FAT3: variants seen among roughly 807,000 people sequenced by gnomAD.
The protein encoded by FAT3 is protocadherin Fat 3.
Under a neutral mutation model 310.2 loss-of-function variants are expected in FAT3, and 95 were observed. The observed-to-expected ratio is 0.31, with a 90% CI of 0.26 to 0.36. The LOEUF (loss-of-function observed/expected upper bound fraction) is 0.36, where lower values mean the gene tolerates loss of function less well. Among genes scored for constraint, FAT3 ranks in the 10% least tolerant of loss-of-function variants. FAT3 has a pLI of 1.00. For missense variants in FAT3, 5,408 were observed against 5,715.6 expected (o/e 0.95, Z 1.74); for synonymous variants, 2,314 against 2,192.9 (o/e 1.06, Z -1.54).
Position 92,353,915 on chromosome 11 carries a change from A to G in FAT3, c.1803A>G (p.Ser601=), listed in dbSNP as rs774844648. The G allele has an allele frequency of 1.9e-6, 3 of 1,612,246 alleles. No individual in the cohort carries two copies. The highest frequency in any genetic ancestry group is 2.2e-5 in the South Asian group (2 of 91,062). Residue 601 remains serine (S), a synonymous_variant, in exon 2 of 28, where the codon TCA becomes TCG. Coordinates refer to ENST00000525166, the MANE Select transcript of FAT3 (RefSeq NM_001367949.2). ...FPVGGHITAV[S]AIDIDELELV... is the part of the protein sequence containing the mutation. ...TTGGTGGTCACATCACAGCAGTCTCAGCGATCGATATCGATGAACTTGAAC... is the reference window on the plus strand; with the variant it reads ...TTGGTGGTCACATCACAGCAGTCTCGGCGATCGATATCGATGAACTTGAAC...
Position 92,761,979 on chromosome 11 carries a change from G to A in FAT3, c.3793G>A (p.Glu1265Lys), listed in dbSNP as rs2136084581. ...PEKVYQIKLP[E>K]RDRKKRGEPI... ...GAAGGTCTACCAGATCAAGCTGCCA[G>A]AACGTGACCGAAAGAAGAGAGGAGA... The change falls in exon 5 of 28, where the codon GAA becomes AAA. Residue 1265 changes from glutamate to lysine, a missense_variant. Physicochemically the swap from Glu to Lys is moderately conservative, Grantham distance 56 (BLOSUM62 1). Transcript: ENST00000525166. The A allele has an allele frequency of 1.2e-6, 2 of 1,613,974 alleles. No homozygotes were observed. Among genetic ancestry groups the A allele is most frequent in the Non-Finnish European group, 1.7e-6 (2 of 1,179,886 alleles).
intron 1 of FAT3, among the ~76,000 whole-genome samples, chr11:92,316,040 A>G (rs1345930170): frequency 6.6e-6 from 1 of 152,092 alleles, no homozygotes; most frequent in African/African-American, 2.4e-5. Flanking sequence ...GAAATCATTA[A>G]AAGATTTCCT....
intron 3 of FAT3, among the ~76,000 whole-genome samples, chr11:92,670,874 T>G (rs1943106463): frequency 6.6e-6 from 1 of 152,082 alleles, no homozygotes. Context: ...AGCCTCTGAA[T>G]CCCAGGCTGA....
chr11:92,274,943 G>C (rs1419707539), intron 1 of FAT3, among the ~76,000 whole-genome samples: 3 of 152,096 alleles, frequency 2.0e-5, no homozygotes, highest in Non-Finnish European at 4.4e-5. Flanking sequence ...TTTGTAAATG[G>C]GGATGGTTAA....
chr11:92,316,995 G>A (rs2134477748), intron 1 of FAT3, among the ~76,000 whole-genome samples: 1 of 152,252 alleles, frequency 6.6e-6, no homozygotes, highest in East Asian at 1.9e-4. Flanking sequence ...GAGGATTTGG[G>A]GACTTCAGGA....
chr11:92,492,142 C>T (rs1200147327), intron 2 of FAT3, among the ~76,000 whole-genome samples: 1 of 152,030 alleles, frequency 6.6e-6, no homozygotes, highest in Non-Finnish European at 1.5e-5. Context: ...TATATGTACT[C>T]CTATTACAGA....
intron 1 of FAT3, among the ~76,000 whole-genome samples, chr11:92,266,593 G>A (rs867281646): frequency 3.9e-5 from 6 of 152,198 alleles, no homozygotes; most frequent in South Asian, 2.1e-4. Context: ...AGAAACACAC[G>A]TCCCTTTCCA....
chr11:92,628,860 G>A, intron 3 of FAT3, among the ~76,000 whole-genome samples: 1 of 152,194 alleles, frequency 6.6e-6, no homozygotes, highest in East Asian at 1.9e-4. Context: ...GAAGAAGGGT[G>A]CATGCACGTG....
At chr11:92,580,437 T>C (rs538387) in intron 3 of FAT3, among the ~76,000 whole-genome samples, 117,159 of 151,958 alleles carry the variant, frequency 0.77, 46,633 homozygotes, top group Non-Finnish European at 0.88. Flanking sequence ...TCTCCAATCC[T>C]TTCCTCACCC....
At chr11:92,431,066 G>A (rs1950760440) in intron 2 of FAT3, among the ~76,000 whole-genome samples, 1 of 152,158 alleles carries the variant, frequency 6.6e-6, no homozygotes, top group Non-Finnish European at 1.5e-5. Flanking sequence ...TCTAGTTCTA[G>A]ATCCCTGAGG....
rs535573294 is a variant in FAT3, at chr11:92,627,856, A to G, written c.3608-69528A>G. On this transcript the variant is annotated intron_variant, in intron 3 of 27. Coordinates refer to ENST00000525166, the MANE Select transcript of FAT3 (RefSeq NM_001367949.2). ...AGTTGACATTAATCATGAAGGGATT[A>G]CAGGAAAAGGTACAATATGAACATC... Among the ~76,000 whole-genome samples the G allele has an allele frequency of 1.6e-4, 25 of 152,330 alleles. 1 individual carries two copies. The South Asian group carries it at 4.6e-3, about 28-fold the overall frequency.
At chr11:92,535,178 G>A (rs1488911385) in intron 3 of FAT3, among the ~76,000 whole-genome samples, 1 of 152,120 alleles carries the variant, frequency 6.6e-6, no homozygotes, top group East Asian at 1.9e-4. Context: ...CTGTACTTGA[G>A]GTTATTGTGT....
In FAT3 at chr11:92,800,526, G is replaced by A. The variant is rs1364922973; in HGVS notation, c.7513G>A (p.Val2505Met). ...TTCACAAAGCACATACGTAGCTGAG[G>A]TGAGAGAGAACGTGGCTGCAGGAAC... is the stretch of plus-strand genomic sequence containing the variant. Reference protein sequence around the residue: ...AFSQSTYVAEVRENVAAGTKV... With the variant: ...AFSQSTYVAEMRENVAAGTKV... Residue 2505 changes from valine to methionine, a missense_variant, in exon 10 of 28, where the codon GTG becomes ATG. Physicochemically the swap from Val to Met is conservative, Grantham distance 21. Coordinates refer to ENST00000525166, the MANE Select transcript of FAT3 (RefSeq NM_001367949.2). 3 of 1,613,834 alleles carry A rather than the reference G, an allele frequency of 1.9e-6. No homozygotes were observed. Among genetic ancestry groups the A allele is most frequent in the Admixed American group, 1.7e-5 (1 of 60,010 alleles).
At position 92,883,040 on chromosome 11, in the gene FAT3, C is replaced by T. The variant is rs1238168265; in HGVS notation, c.12584C>T (p.Pro4195Leu). The T allele has an allele frequency of 6.2e-7, 1 of 1,613,886 alleles. No homozygotes were observed. The highest frequency in any genetic ancestry group is 8.5e-7 in the Non-Finnish European group (1 of 1,179,904). Residue 4195 changes from proline (P) to leucine (L), a missense_variant, in exon 24 of 28, where the codon CCG (proline) becomes CTG (leucine). By Grantham distance (98) the Pro-to-Leu change is moderately conservative. This residue lies in a region of FAT3 where 649 missense variants were observed against 666.2 expected (regional missense o/e 0.97). Coordinates refer to ENST00000525166, the MANE Select transcript of FAT3 (RefSeq NM_001367949.2). The surrounding 1 kb of genome is among the most constrained non-coding windows in gnomAD (Gnocchi z 4.2). ...SRNNITLVQD[P>L]ATAALLNKSN... ...AACAACATCACGCTAGTGCAGGACC[C>T]GGCCACCGCCGCCCTGCTTAACAAG...
chr11:92,839,521 A>G (rs1948484866), intron 17 of FAT3, among the ~76,000 whole-genome samples: 1 of 152,228 alleles, frequency 6.6e-6, no homozygotes, highest in African/African-American at 2.4e-5. Context: ...TCTTCAAAAA[A>G]TATGCCTCCT....
Position 92,883,343 on chromosome 11 carries a change from G to C in FAT3, c.12887G>C (p.Arg4296Pro), listed in dbSNP as rs770812535. Reference sequence around the variant, plus strand: ...AACCTCCCCGCCGTGTCACCCTGCCGCTCCGACTGCGACTCCATCCGGAAG... The same window carrying C: ...AACCTCCCCGCCGTGTCACCCTGCCCCTCCGACTGCGACTCCATCCGGAAG... ...APNLPAVSPC[R>P]SDCDSIRKNG... Residue 4296 changes from arginine (R) to proline (P), a missense_variant, in exon 24 of 28, where the codon CGC (arginine) becomes CCC (proline). Physicochemically the swap from Arg to Pro is moderately radical, Grantham distance 103. Around this residue, in one of 5 missense-constraint regions of FAT3, gnomAD observed 649 missense variants for 666.2 expected, o/e 0.97. Coordinates refer to ENST00000525166, the MANE Select transcript of FAT3 (RefSeq NM_001367949.2). The surrounding 1 kb of genome is among the most constrained non-coding windows in gnomAD (Gnocchi z 4.2). 1 of 1,609,840 alleles carries C rather than the reference G, an allele frequency of 6.2e-7. No individual in the cohort carries two copies. Among genetic ancestry groups the C allele is most frequent in the Admixed American group, 1.7e-5 (1 of 59,948 alleles).
At chr11:92,443,112 G>A (rs949802257) in intron 2 of FAT3, among the ~76,000 whole-genome samples, 4 of 152,042 alleles carry the variant, frequency 2.6e-5, no homozygotes, top group Non-Finnish European at 5.9e-5. Flanking sequence ...ATATTTTCGT[G>A]CCTTATACTT....
chr11:92,887,248 C>T (rs1949817013), intron 25 of FAT3, 135 bp downstream of exon 25: 2 of 719,530 alleles, frequency 2.8e-6, no homozygotes, highest in East Asian at 2.7e-5. Flanking sequence ...TTCACCAGGT[C>T]CCTGGTTTAC....
Position 92,864,838 on chromosome 11 carries a change from G to A in FAT3, c.11659-1903G>A, listed in dbSNP as rs559349627. ...CTAAAAAAAAAGAAGAAGAAAGAAA[G>A]ATTACACTTGAAAGCTCTCAGAGAA... is the stretch of plus-strand genomic sequence containing the variant. On this transcript the variant is annotated intron_variant, in intron 21 of 27. Coordinates refer to ENST00000525166, the MANE Select transcript of FAT3 (RefSeq NM_001367949.2). Among the ~76,000 whole-genome samples the A allele has an allele frequency of 2.3e-4, 35 of 152,188 alleles. 1 individual carries two copies. In the South Asian group the frequency reaches 6.9e-3, roughly 30 times the overall value.
Sources: gnomAD v4.1 joint callset for allele counts (sites outside exome capture counted in the v4.1 genomes callset) on GRCh38, gnomAD v4.1.1 for gene constraint, gnomAD v4.1.1 regional missense constraint, Gnocchi (gnomAD v3.1) non-coding constraint, MANE v1.5 for transcripts, NCBI Gene and HGNC (gene_info 2026-07-23, HGNC 2026-07-21) for gene names.